Variants in C16orf96 observed in about 807,000 individuals in gnomAD.
C16orf96 encodes chromosome 16 open reading frame 96.
In C16orf96, 108 loss-of-function variants were observed where a neutral mutation model predicts 103.6. The observed-to-expected ratio is 1.04, with a 90% CI of 0.89 to 1.22. C16orf96 has a LOEUF of 1.22. Among genes scored for constraint, C16orf96 ranks in the 50% most tolerant of loss-of-function variants. The pLI is 0.00. For synonymous variants in C16orf96, 566 were observed against 593.5 expected, an observed-to-expected ratio of 0.95 and a Z score of 0.67; for missense variants, 1,586 against 1,464.2, an observed-to-expected ratio of 1.08 and a Z score of -1.36.
At chr16:4,540,349 G>A in the C16orf96 span, among the ~76,000 whole-genome samples, 28 of 152,298 alleles carry the variant, frequency 1.8e-4, no homozygotes, top group Admixed American at 5.2e-4. Context: ...GCATTCCAGA[G>A]GGAGGGATTG....
At chr16:4,569,718 G>T (rs1414294325) in intron 1 of C16orf96, among the ~76,000 whole-genome samples, 1 of 148,044 alleles carries the variant, frequency 6.8e-6, no homozygotes, top group Non-Finnish European at 1.5e-5. Context: ...AAAAAAAGAA[G>T]GCAAAGATAG....
chr16:4,569,266 C>T (rs1399997940), intron 1 of C16orf96, among the ~76,000 whole-genome samples: 1 of 152,090 alleles, frequency 6.6e-6, no homozygotes, highest in African/African-American at 2.4e-5. Flanking sequence ...CCATGCTGGA[C>T]CTTCCTTATC....
intron 14 of C16orf96, among the ~76,000 whole-genome samples, chr16:4,598,216 G>A (rs963971776): frequency 5.3e-5 from 8 of 152,036 alleles, no homozygotes; most frequent in African/African-American, 1.5e-4. Context: ...GCAGGGCATA[G>A]TGAGGCTCCC....
In C16orf96 at chr16:4,594,429, C is replaced by T. The variant is rs1321731446; in HGVS notation, c.2946C>T (p.Asn982=). 16 of 1,551,458 alleles carry T rather than the reference C, an allele frequency of 1.0e-5. No homozygotes were observed. The highest frequency in any genetic ancestry group is 2.4e-5 in the East Asian group (1 of 40,918). ...CQQDWGDGPQ[N]ATSLKCKSCN... is the part of the protein sequence containing the mutation. ...AGGACTGGGGTGATGGCCCCCAAAA[C>T]GCCACCAGCCTCAAGTGCAAGTCCT... The change falls in exon 13 of 16, where the codon AAC becomes AAT. Residue 982 remains asparagine, a synonymous_variant. Transcript: ENST00000444310.
intron 5 of C16orf96, among the ~76,000 whole-genome samples, chr16:4,578,482 G>A (rs766829234): frequency 1.3e-5 from 2 of 151,986 alleles, no homozygotes; most frequent in Admixed American, 6.6e-5. Flanking sequence ...CTAATAGGCC[G>A]GGTGCGGTAG....
chr16:4,595,039 G>C (rs1897142721), intron 14 of C16orf96, among the ~76,000 whole-genome samples: 1 of 152,238 alleles, frequency 6.6e-6, no homozygotes. Context: ...GCTGACCAGA[G>C]AGAGGGCCGT....
Position 4,575,482 on chromosome 16 carries a change from T to C in C16orf96, c.1002T>C (p.Pro334=). 1 of 1,547,858 alleles carries C rather than the reference T, an allele frequency of 6.5e-7. No individual in the cohort carries two copies. ...FAPGPAPGTE[P]VPGLELGLEL... The stretch of plus-strand genomic sequence containing the variant: ...CTGGGCCTGCACCTGGGACTGAACC[T>C]GTGCCAGGACTGGAGCTGGGGCTGG... The change falls in exon 5 of 16, where the codon CCT becomes CCC. Residue 334 remains proline, a synonymous_variant. Coordinates refer to ENST00000444310, the MANE Select transcript of C16orf96 (RefSeq NM_001145011.2).
Position 4,594,420 on chromosome 16 carries a change from C to T in C16orf96, c.2937C>T (p.Gly979=). 6.4e-7 allele frequency: 1 copy of T among 1,551,410 alleles called. No individual in the cohort carries two copies. The change falls in exon 13 of 16, where the codon GGC becomes GGT. Residue 979 remains glycine, a synonymous_variant. Transcript: ENST00000444310. ...QEDCQQDWGD[G]PQNATSLKCK... is the part of the protein sequence containing the mutation. Reference sequence around the variant, plus strand: ...ATTGTCAGCAGGACTGGGGTGATGGCCCCCAAAACGCCACCAGCCTCAAGT... The same window carrying T: ...ATTGTCAGCAGGACTGGGGTGATGGTCCCCAAAACGCCACCAGCCTCAAGT...
At chr16:4,600,010 T>C in intron 15 of C16orf96, 90 bp from the exon 16 acceptor site, 3 of 1,283,426 alleles carry the variant, frequency 2.3e-6, no homozygotes, top group Non-Finnish European at 2.2e-6. Context: ...CCTGGGCTTC[T>C]CTTCTCTTTA....
chr16:4,600,555 C>T lies in C16orf96; in HGVS notation c.*238C>T. On this transcript the variant is annotated 3_prime_UTR_variant, in exon 16 of 16. Transcript: ENST00000444310. ...TGAGACCCATATGCCCCCCCCACCC[C>T]CACCAAGTCCCGTCCCCGGCTGAGA... is the stretch of plus-strand genomic sequence containing the variant. The T allele has an allele frequency of 2.1e-6, 1 of 486,058 alleles. No homozygotes were observed. Among genetic ancestry groups the T allele is most frequent in the Non-Finnish European group, 3.8e-6 (1 of 264,552 alleles). The allele number at this position is 486,058 out of a possible 1,614,324, so 30.1% of individuals were successfully genotyped here.
chr16:4,594,033 TG>T (rs938942519), intron 12 of C16orf96, among the ~76,000 whole-genome samples: 1 of 152,078 alleles, frequency 6.6e-6, no homozygotes, highest in Non-Finnish European at 1.5e-5. Flanking sequence ...GGGAGGGACG[TG>T]GGGGCCTGTG....
chr16:4,566,392 C>T (rs1050567760), intron 1 of C16orf96, among the ~76,000 whole-genome samples: 1 of 152,170 alleles, frequency 6.6e-6, no homozygotes, highest in African/African-American at 2.4e-5. Context: ...AGTGGTATCT[C>T]ATTGTAGTTT....
chr16:4,559,665 G>A (rs1362614521), intron 1 of C16orf96, among the ~76,000 whole-genome samples: 2 of 152,136 alleles, frequency 1.3e-5, no homozygotes, highest in East Asian at 3.8e-4. Context: ...GGTGGCACAC[G>A]ATATATTGAC....
At chr16:4,553,908 C>G (rs1017499985), upstream of C16orf96, among the ~76,000 whole-genome samples, 1 of 152,198 alleles carries the variant, frequency 6.6e-6, no homozygotes, top group African/African-American at 2.4e-5. Context: ...CAAGATTCCA[C>G]AGCTGGTGCA....
intron 14 of C16orf96, 108 bp downstream of exon 14, chr16:4,594,911 G>A (rs1045369282): frequency 1.7e-6 from 2 of 1,206,996 alleles, no homozygotes; most frequent in African/African-American, 1.5e-5. Flanking sequence ...CCCTGACCGG[G>A]GAGTCCTCAC....
rs1567134719 is a variant in C16orf96 at position 4,594,723 on chromosome 16, G to A, written c.3047G>A (p.Gly1016Asp). Residue 1016 changes from glycine (G) to aspartate (D), a missense_variant, in exon 14 of 16, where the codon GGC becomes GAC. Physicochemically the swap from Gly to Asp is moderately conservative, Grantham distance 94. Coordinates refer to ENST00000444310, the MANE Select transcript of C16orf96 (RefSeq NM_001145011.2). ...DYDSAEVDIL[G>D]VDGILYKGRV... The stretch of plus-strand genomic sequence containing the variant: ...CAACAGGCCGAGGTGGACATCCTGG[G>A]CGTGGATGGGATCCTGTACAAAGGC... The A allele has an allele frequency of 1.3e-6, 2 of 1,551,328 alleles. No individual in the cohort carries two copies. Among genetic ancestry groups the A allele is most frequent in the East Asian group, 2.4e-5 (1 of 40,902 alleles).
chr16:4,560,113 G>A (rs2059312383), intron 1 of C16orf96: 1 of 152,124 alleles, frequency 6.6e-6, no homozygotes, highest in Admixed American at 6.6e-5. Context: ...TGCCTCCAAG[G>A]TTCAAGTGAC....
chr16:4,574,997 C>A lies in C16orf96; in HGVS notation c.632C>A (p.Thr211Asn), dbSNP rs1361505293. The A allele has an allele frequency of 8.4e-6, 13 of 1,551,512 alleles. No individual in the cohort carries two copies. The highest frequency in any genetic ancestry group is 1.1e-5 in the Non-Finnish European group (13 of 1,147,004). The change falls in exon 4 of 16, where the codon ACC becomes AAC. Residue 211 changes from threonine to asparagine, a missense_variant. By Grantham distance (65) the Thr-to-Asn change is moderately conservative (BLOSUM62 0). Transcript: ENST00000444310. ...EVASLQNKFK[T>N]IPKTEDMVLW... ...GCTTCTCTCCAGAATAAGTTTAAAACCATCCCCAAAACCGAGGACATGGTG... is the reference window on the plus strand; with the variant it reads ...GCTTCTCTCCAGAATAAGTTTAAAAACATCCCCAAAACCGAGGACATGGTG...
At position 4,576,287 on chromosome 16, in the gene C16orf96, A is replaced by G. The variant is rs773031909; in HGVS notation, c.1807A>G (p.Lys603Glu). 256 of 1,550,664 alleles carry G rather than the reference A, an allele frequency of 1.7e-4. No homozygotes were observed. The highest frequency in any genetic ancestry group is 1.6e-4 in the Non-Finnish European group (181 of 1,147,006). Residue 603 changes from lysine to glutamate, a missense_variant, in exon 5 of 16, where the codon AAA becomes GAA. By Grantham distance (56) the Lys-to-Glu change is moderately conservative (BLOSUM62 1). Coordinates refer to ENST00000444310, the MANE Select transcript of C16orf96 (RefSeq NM_001145011.2). ...AKFVKDAPAT[K>E]MAAIATDTAA... ...GTTTGTCAAGGATGCCCCAGCCACC[A>G]AAATGGCCGCCATTGCAACAGACAC...
Sources: allele counts gnomAD v4.1 joint callset (sites outside exome capture counted in the v4.1 genomes callset), GRCh38; gene constraint gnomAD v4.1.1; transcripts MANE v1.5; gene names NCBI Gene and HGNC (gene_info 2026-07-23, HGNC 2026-07-21).